Variants in CSTPP1 observed in about 807,000 individuals in gnomAD.
CSTPP1 encodes centriolar satellite-associated tubulin polyglutamylase complex regulator 1, also known as UPF0705 protein C11orf49.
the CSTPP1 span, among the ~76,000 whole-genome samples, chr11:47,121,488 C>T: frequency 2.6e-5 from 4 of 152,174 alleles, no homozygotes; most frequent in African/African-American, 4.8e-5. Flanking sequence ...TTCCATTATT[C>T]TCAGCTTTGG....
chr11:47,086,254 A>AAAAAG, the CSTPP1 span, among the ~76,000 whole-genome samples: 1 of 147,548 alleles, frequency 6.8e-6, no homozygotes, highest in African/African-American at 2.5e-5. Flanking sequence ...AAAAAAAAAA[A>AAAAAG]AAATAGCTGG....
At chr11:47,045,300 A>G in the CSTPP1 span, among the ~76,000 whole-genome samples, 2 of 152,228 alleles carry the variant, frequency 1.3e-5, no homozygotes, top group African/African-American at 4.8e-5. Flanking sequence ...CTACAGGTTT[A>G]TGTATATTAA....
the CSTPP1 span, among the ~76,000 whole-genome samples, chr11:46,980,061 A>G: frequency 1.3e-5 from 2 of 152,030 alleles, no homozygotes; most frequent in African/African-American, 4.8e-5. Context: ...AACTATATAT[A>G]AAACAAACAA....
At chr11:47,095,926 T>C in the CSTPP1 span, among the ~76,000 whole-genome samples, 1 of 152,200 alleles carries the variant, frequency 6.6e-6, no homozygotes, top group African/African-American at 2.4e-5. Context: ...TGTTTTCAAT[T>C]TGACCCTTGG....
chr11:46,989,184 G>C, the CSTPP1 span, among the ~76,000 whole-genome samples: 1 of 151,956 alleles, frequency 6.6e-6, no homozygotes, highest in Non-Finnish European at 1.5e-5. Context: ...GAGCCAAGAT[G>C]GTGCCACTGC....
At chr11:47,046,534 C>G in the CSTPP1 span, among the ~76,000 whole-genome samples, 2 of 151,794 alleles carry the variant, frequency 1.3e-5, no homozygotes, top group Non-Finnish European at 2.9e-5. Flanking sequence ...TAAAGAAGAG[C>G]TAAATAAATA....
chr11:46,985,727 C>T, the CSTPP1 span, among the ~76,000 whole-genome samples: 807 of 152,314 alleles, frequency 5.3e-3, 7 homozygotes, highest in Middle Eastern at 0.01. Flanking sequence ...TTATCAATCA[C>T]GTACTATGTA....
At chr11:47,110,778 T>C in the CSTPP1 span, among the ~76,000 whole-genome samples, 1 of 152,138 alleles carries the variant, frequency 6.6e-6, no homozygotes, top group Non-Finnish European at 1.5e-5. Flanking sequence ...CCAAAAAGAC[T>C]GCATTCCTGT....
chr11:47,161,410 T>C, the CSTPP1 span: 1 of 1,605,794 alleles, frequency 6.2e-7, no homozygotes, highest in Non-Finnish European at 8.5e-7. Context: ...ATGGAGGCCC[T>C]GCTCTCTGTA....
the CSTPP1 span, among the ~76,000 whole-genome samples, chr11:47,151,997 C>T: frequency 6.6e-6 from 1 of 152,112 alleles, no homozygotes; most frequent in Non-Finnish European, 1.5e-5. Flanking sequence ...AGGTAGGGTA[C>T]TCAGGAAAGA....
chr11:47,100,478 A>G, the CSTPP1 span, among the ~76,000 whole-genome samples: 1 of 152,244 alleles, frequency 6.6e-6, no homozygotes, highest in Non-Finnish European at 1.5e-5. Flanking sequence ...TGTCACACAT[A>G]AGGGCAAATT....
the CSTPP1 span, among the ~76,000 whole-genome samples, chr11:46,965,236 T>C: frequency 6.7e-6 from 1 of 148,856 alleles, no homozygotes; most frequent in Non-Finnish European, 1.5e-5. Flanking sequence ...TTTTTTTATT[T>C]TTTTTTGGAG....
the CSTPP1 span, among the ~76,000 whole-genome samples, chr11:47,064,808 G>A: frequency 5.3e-5 from 8 of 151,640 alleles, no homozygotes; most frequent in East Asian, 7.9e-4. Context: ...GCAGTGGCAC[G>A]ATCTCAGCTC....
At chr11:46,969,946 T>C in the CSTPP1 span, among the ~76,000 whole-genome samples, 6 of 152,136 alleles carry the variant, frequency 3.9e-5, no homozygotes, top group African/African-American at 1.4e-4. Flanking sequence ...TTTGTATTTT[T>C]AGTACAGACA....
the CSTPP1 span, among the ~76,000 whole-genome samples, chr11:46,942,734 G>C: frequency 6.6e-6 from 1 of 151,922 alleles, no homozygotes; most frequent in Non-Finnish European, 1.5e-5. Context: ...CATATGAAGT[G>C]GGTACTCTTA....
chr11:46,972,113 G>A, the CSTPP1 span, among the ~76,000 whole-genome samples: 1 of 152,102 alleles, frequency 6.6e-6, no homozygotes, highest in African/African-American at 2.4e-5. Context: ...CCTCTAACAA[G>A]ACTTTTTACT....
At chr11:47,009,601 A>G in the CSTPP1 span, among the ~76,000 whole-genome samples, 1 of 152,162 alleles carries the variant, frequency 6.6e-6, no homozygotes, top group Non-Finnish European at 1.5e-5. Context: ...GCTCGAGACC[A>G]GTCCGGCCAA....
chr11:47,157,592 C>T, the CSTPP1 span, among the ~76,000 whole-genome samples: 97,716 of 151,694 alleles, frequency 0.64, 32,624 homozygotes, highest in African/African-American at 0.83. Context: ...TTTGGTTTCC[C>T]GTAGCCATTT....
At chr11:47,049,911 G>A in the CSTPP1 span, among the ~76,000 whole-genome samples, 13 of 152,072 alleles carry the variant, frequency 8.5e-5, no homozygotes, top group African/African-American at 3.1e-4. Flanking sequence ...GGGAAAAGAA[G>A]GTGGGGAAAG....
Sources: gnomAD v4.1 joint callset for allele counts (sites outside exome capture counted in the v4.1 genomes callset) on GRCh38, gnomAD v4.1.1 for gene constraint, MANE v1.5 for transcripts, NCBI Gene and HGNC (gene_info 2026-07-23, HGNC 2026-07-21) for gene names.